The following CALN1 variants were observed in gnomAD, a reference collection of about 807,000 sequenced individuals.
The protein encoded by CALN1 is calneuron 1.
In CALN1, 17 loss-of-function variants were observed where a neutral mutation model predicts 30.6. That is an observed-to-expected ratio of 0.56 (90% CI 0.38 to 0.83). The LOEUF (loss-of-function observed/expected upper bound fraction) is 0.83, where lower values mean the gene tolerates loss of function less well. Ranked by LOEUF, CALN1 falls within the 40% of genes least tolerant of loss-of-function variation. CALN1 has a pLI of 0.00. For synonymous variants in CALN1, 156 were observed against 131.4 expected (o/e 1.19, Z -1.28); for missense variants, 291 against 354.9 (o/e 0.82, Z 1.45).
At chr7:72,255,946 T>A (rs1241359788) in intron 3 of CALN1, among the ~76,000 whole-genome samples, 1 of 152,058 alleles carries the variant, frequency 6.6e-6, no homozygotes, top group Non-Finnish European at 1.5e-5. Flanking sequence ...GTCAGGCTGG[T>A]CTCAAACTCC....
At chr7:72,010,940 G>A (rs1800043068) in intron 5 of CALN1, among the ~76,000 whole-genome samples, 1 of 151,932 alleles carries the variant, frequency 6.6e-6, no homozygotes, top group Non-Finnish European at 1.5e-5. Context: ...GGATCATGGG[G>A]TCAAGAGATC....
chr7:72,361,169 T>C (rs148721238), intron 2 of CALN1, among the ~76,000 whole-genome samples: 1 of 152,162 alleles, frequency 6.6e-6, no homozygotes, highest in Non-Finnish European at 1.5e-5. Flanking sequence ...CAAATCAAGA[T>C]GAAGCATCAA....
intron 2 of CALN1, chr7:72,337,022 C>G: frequency 1.0e-6 from 1 of 985,610 alleles, no homozygotes; most frequent in Non-Finnish European, 1.2e-6. Context: ...GGACGTGTGC[C>G]CCGCACCCCC....
chr7:71,865,192 G>A (rs1791516483), intron 5 of CALN1, among the ~76,000 whole-genome samples: 1 of 152,186 alleles, frequency 6.6e-6, no homozygotes, highest in Non-Finnish European at 1.5e-5. Context: ...GGGGTCTGGA[G>A]GAGATACTTG....
intron 4 of CALN1, among the ~76,000 whole-genome samples, chr7:72,035,442 C>T (rs1801738414): frequency 1.3e-5 from 2 of 152,306 alleles, no homozygotes; most frequent in South Asian, 4.1e-4. Flanking sequence ...CCAGCATTTC[C>T]TTCCTTTTTT....
chr7:72,144,362 T>G (rs1212184468), intron 3 of CALN1, among the ~76,000 whole-genome samples: 1 of 151,944 alleles, frequency 6.6e-6, no homozygotes, highest in South Asian at 2.1e-4. Flanking sequence ...CAACAAAGAT[T>G]AAAAGAGACA....
At chr7:71,990,302 G>C (rs1798880199) in intron 5 of CALN1, among the ~76,000 whole-genome samples, 1 of 152,098 alleles carries the variant, frequency 6.6e-6, no homozygotes, top group Non-Finnish European at 1.5e-5. Flanking sequence ...GGCCTAAAAA[G>C]GGGAGGAACC....
chr7:72,063,299 C>T (rs1346242073), intron 4 of CALN1, among the ~76,000 whole-genome samples: 2 of 152,182 alleles, frequency 1.3e-5, no homozygotes. Flanking sequence ...TCTCAGATTG[C>T]ATTAAGAAGC....
At chr7:72,214,580 T>G (rs536012283) in intron 3 of CALN1, among the ~76,000 whole-genome samples, 6 of 152,232 alleles carry the variant, frequency 3.9e-5, no homozygotes, top group Non-Finnish European at 7.4e-5. Flanking sequence ...ATTGCACCAC[T>G]GCACTCCAGC....
intron 5 of CALN1, among the ~76,000 whole-genome samples, chr7:71,976,195 A>G (rs1000019659): frequency 1.3e-5 from 2 of 152,092 alleles, no homozygotes; most frequent in Admixed American, 6.6e-5. Flanking sequence ...ACTGATGTAA[A>G]ACACATGGGG....
chr7:72,407,131 ATTG>A (rs1462143456), intron 1 of CALN1, among the ~76,000 whole-genome samples: 1 of 152,222 alleles, frequency 6.6e-6, no homozygotes, highest in East Asian at 1.9e-4. Flanking sequence ...GTGAAGTAAT[ATTG>A]TTAAGAACAT....
chr7:71,917,588 G>A (rs1232505589), intron 5 of CALN1, among the ~76,000 whole-genome samples: 1 of 152,106 alleles, frequency 6.6e-6, no homozygotes, highest in Non-Finnish European at 1.5e-5. Context: ...GGCTGGGGAG[G>A]CCTCAGGAAA....
At chr7:72,130,071 C>G (rs948682383) in intron 3 of CALN1, among the ~76,000 whole-genome samples, 6 of 152,146 alleles carry the variant, frequency 3.9e-5, no homozygotes, top group Non-Finnish European at 8.8e-5. Context: ...TCCCCCACCC[C>G]CCACCAGGCT....
chr7:72,338,525 G>GTCTGTGTGTGTGTGTGTGTCTGTC, intron 2 of CALN1, among the ~76,000 whole-genome samples: 1 of 122,378 alleles, frequency 8.2e-6, no homozygotes, highest in South Asian at 2.7e-4. Flanking sequence ...GTGTGTGTGT[G>GTCTGTGTGTGTGTGTGTGTCTGTC]TGTCTCACCT....
At chr7:71,811,552 T>C (rs2116211479) in intron 5 of CALN1, among the ~76,000 whole-genome samples, 2 of 152,166 alleles carry the variant, frequency 1.3e-5, no homozygotes, top group East Asian at 3.9e-4. Context: ...CAAAGTCATG[T>C]TCATGAAGAA....
intron 2 of CALN1, among the ~76,000 whole-genome samples, chr7:72,379,665 A>G (rs1246337168): frequency 6.6e-6 from 1 of 152,388 alleles, no homozygotes; most frequent in Non-Finnish European, 1.5e-5. Context: ...CAGAGACAGG[A>G]CACTCAATGA....
chr7:71,943,776 G>C (rs1047240245), intron 5 of CALN1, among the ~76,000 whole-genome samples: 5 of 152,116 alleles, frequency 3.3e-5, no homozygotes, highest in Admixed American at 3.3e-4. Flanking sequence ...TTGGGAGGAT[G>C]AAAGAAGAGA....
chr7:72,163,392 T>TAAAAAAAAAAAA, intron 3 of CALN1, among the ~76,000 whole-genome samples: 1 of 79,304 alleles, frequency 1.3e-5, no homozygotes, highest in Non-Finnish European at 2.2e-5. Flanking sequence ...TATTGGAGAT[T>TAAAAAAAAAAAA]AAAAAAAAAA....
intron 2 of CALN1, among the ~76,000 whole-genome samples, chr7:72,304,621 C>T (rs1425658028): frequency 6.6e-6 from 1 of 152,152 alleles, no homozygotes. Flanking sequence ...GTCTCTTTTA[C>T]GTCTATCTAC....
Sources: gnomAD v4.1 joint callset for allele counts (sites outside exome capture counted in the v4.1 genomes callset) on GRCh38, gnomAD v4.1.1 for gene constraint, MANE v1.5 for transcripts, NCBI Gene and HGNC (gene_info 2026-07-23, HGNC 2026-07-21) for gene names.